The following FBXL5 variants were observed in gnomAD, a reference collection of about 807,000 sequenced individuals.
The protein encoded by FBXL5 is F-box and leucine rich repeat protein 5.
Under a neutral mutation model 78.3 loss-of-function variants are expected in FBXL5, and 26 were observed. That is an observed-to-expected ratio of 0.33 (90% CI 0.24 to 0.46). The LOEUF (loss-of-function observed/expected upper bound fraction) is 0.46, where lower values mean the gene tolerates loss of function less well. Among genes scored for constraint, FBXL5 ranks in the 20% least tolerant of loss-of-function variants. The pLI is 1.00. For synonymous variants in FBXL5, 295 were observed against 282.5 expected (o/e 1.04, Z -0.45); for missense variants, 710 against 829.2 (o/e 0.86, Z 1.77).
At chr4:15,629,178 T>C (rs1713375605) in intron 6 of FBXL5, among the ~76,000 whole-genome samples, 1 of 152,110 alleles carries the variant, frequency 6.6e-6, no homozygotes, top group Non-Finnish European at 1.5e-5. Context: ...ATATATTATC[T>C]AAAAAGGCTC....
Position 15,653,792 on chromosome 4 carries a change from C to T in FBXL5, c.84+1412G>A, listed in dbSNP as rs117448026. 1.2e-3 allele frequency among the ~76,000 whole-genome samples: 188 copies of T among 152,290 alleles called. 3 individuals carry two copies. In the East Asian group the frequency reaches 0.033, roughly 27 times the overall value. On this transcript the variant is annotated intron_variant, in intron 1 of 10. Transcript: ENST00000341285. Reference sequence around the variant, plus strand: ...TGGCTTAACCATTCCTCATGCTTCTCCTAGATGAGTGGTTCTCACCCTCAG... The same window carrying T: ...TGGCTTAACCATTCCTCATGCTTCTTCTAGATGAGTGGTTCTCACCCTCAG...
chr4:15,659,263 G>A (rs1434025581), upstream of FBXL5, among the ~76,000 whole-genome samples: 1 of 152,148 alleles, frequency 6.6e-6, no homozygotes, highest in Non-Finnish European at 1.5e-5. Context: ...CTGCATGAAT[G>A]AGAATTTGAA....
chr4:15,630,201 A>C (rs921814847), intron 6 of FBXL5, among the ~76,000 whole-genome samples: 1 of 152,204 alleles, frequency 6.6e-6, no homozygotes, highest in African/African-American at 2.4e-5. Context: ...ATTTACAAAC[A>C]ATATTTATGT....
intron 5 of FBXL5, among the ~76,000 whole-genome samples, chr4:15,634,488 T>C (rs1053154602): frequency 1.3e-5 from 2 of 152,114 alleles, no homozygotes. Flanking sequence ...TGCCTCAGCC[T>C]CCCGAGTAGC....
chr4:15,668,877 G>A (rs1717651537), intron 1 of FBXL5, among the ~76,000 whole-genome samples: 1 of 152,116 alleles, frequency 6.6e-6, no homozygotes. Flanking sequence ...TTAAATCTCA[G>A]CTAATTAATT....
intron 2 of FBXL5, chr4:15,641,550 T>C: frequency 2.2e-6 from 1 of 450,006 alleles, no homozygotes; most frequent in Non-Finnish European, 4.5e-6. Context: ...AGTATATATA[T>C]TTTACATATA....
At chr4:15,640,980 G>T in intron 2 of FBXL5, 97 bp from the exon 3 acceptor site, 1 of 549,840 alleles carries the variant, frequency 1.8e-6, no homozygotes, top group Non-Finnish European at 3.1e-6. Flanking sequence ...AACCTCCGGG[G>T]AAAAAAAAAT....
At chr4:15,630,325 A>G (rs987376749) in intron 6 of FBXL5, among the ~76,000 whole-genome samples, 2 of 152,290 alleles carry the variant, frequency 1.3e-5, no homozygotes, top group African/African-American at 4.8e-5. Context: ...AGATGACTCA[A>G]TAGATGCTGT....
intron 9 of FBXL5, among the ~76,000 whole-genome samples, chr4:15,613,385 T>C (rs922694708): frequency 2.0e-5 from 3 of 152,162 alleles, no homozygotes; most frequent in Non-Finnish European, 2.9e-5. Flanking sequence ...TAAAACCTAA[T>C]GGCACACCCT....
upstream of FBXL5, chr4:15,659,685 G>C: frequency 1.0e-6 from 1 of 975,206 alleles, no homozygotes. Flanking sequence ...TTCAGACAGA[G>C]AAGAGCCTTC....
At chr4:15,637,213 C>T (rs148188611) in intron 4 of FBXL5, among the ~76,000 whole-genome samples, 3 of 152,254 alleles carry the variant, frequency 2.0e-5, no homozygotes, top group Non-Finnish European at 4.4e-5. Flanking sequence ...CCTAGAGATG[C>T]TTTAAACTAC....
chr4:15,608,676 G>C (rs376720255), intron 10 of FBXL5, among the ~76,000 whole-genome samples: 1 of 151,890 alleles, frequency 6.6e-6, no homozygotes, highest in Non-Finnish European at 1.5e-5. Context: ...AGTGAAGAGA[G>C]AGAATATATT....
At chr4:15,628,809 A>C (rs562116431) in intron 6 of FBXL5, among the ~76,000 whole-genome samples, 1 of 151,948 alleles carries the variant, frequency 6.6e-6, no homozygotes, top group African/African-American at 2.4e-5. Flanking sequence ...ACACACGAAG[A>C]TAAAATATAA....
Position 15,625,900 on chromosome 4 carries a change from A to G in FBXL5, c.1202T>C (p.Leu401Pro), listed in dbSNP as rs764770871. 1 of 1,614,050 alleles carries G rather than the reference A, an allele frequency of 6.2e-7. No homozygotes were observed. The change falls in exon 9 of 11, where the codon CTA (leucine) becomes CCA (proline). Residue 401 changes from leucine to proline, a missense_variant. Leu to Pro is a moderately conservative substitution (Grantham distance 98). This residue lies in a region of FBXL5 where 517 missense variants were observed against 542.9 expected (regional missense o/e 0.95). Transcript: ENST00000341285. ...TCCAAGAGCTCTGGAAATCTTCTCT[A>G]GGGCCACATCTGTGATTTTCTCACA... ...SGCEKITDVALEKISRALGIL... is the reference protein window; with the variant it reads ...SGCEKITDVAPEKISRALGIL...
chr4:15,641,487 T>C, intron 2 of FBXL5: 1 of 369,288 alleles, frequency 2.7e-6, no homozygotes, highest in Non-Finnish European at 5.2e-6. Context: ...TTTTCTTCCG[T>C]ATGATGTTCT....
chr4:15,635,361 T>C (rs886447563), intron 5 of FBXL5, among the ~76,000 whole-genome samples: 2 of 151,762 alleles, frequency 1.3e-5, no homozygotes, highest in African/African-American at 4.8e-5. Context: ...TACATTATTA[T>C]AATGAATAAA....
intron 1 of FBXL5, among the ~76,000 whole-genome samples, chr4:15,673,045 T>C (rs1245876505): frequency 1.3e-5 from 2 of 152,180 alleles, no homozygotes; most frequent in East Asian, 3.8e-4. Context: ...AAAGCTGTCA[T>C]CTATGATAAC....
Position 15,638,659 on chromosome 4 carries a change from A to C in FBXL5, c.432T>G (p.Tyr144Ter). 6.2e-7 allele frequency: 1 copy of C among 1,601,958 alleles called. No individual in the cohort carries two copies. Reference sequence around the variant, plus strand: ...TCTTTTTAATATCCTTAAGCTCTTCATAGGTAAAATATTCCATTAACATGG... The same window carrying C: ...TCTTTTTAATATCCTTAAGCTCTTCCTAGGTAAAATATTCCATTAACATGG... The part of the protein sequence containing the change: ...FQPMLMEYFT[Y>*]EELKDIKKKV... The change falls in exon 4 of 11, where the codon TAT becomes TAG. Residue 144 changes from tyrosine (Y) to a stop codon, truncating the protein, a stop_gained. Transcript: ENST00000341285. LOFTEE classifies it high-confidence loss of function.
At chr4:15,621,858 T>C (rs991141412) in intron 9 of FBXL5, among the ~76,000 whole-genome samples, 1 of 152,236 alleles carries the variant, frequency 6.6e-6, no homozygotes, top group Non-Finnish European at 1.5e-5. Flanking sequence ...AGACAGGGTC[T>C]GGCTTTGTTA....
Sources: gnomAD v4.1 joint callset for allele counts (sites outside exome capture counted in the v4.1 genomes callset) on GRCh38, gnomAD v4.1.1 for gene constraint, gnomAD v4.1.1 regional missense constraint, MANE v1.5 for transcripts, NCBI Gene and HGNC (gene_info 2026-07-23, HGNC 2026-07-21) for gene names.